PARP16: variants seen among roughly 807,000 people sequenced by gnomAD.
PARP16 encodes poly(ADP-ribose) polymerase family member 16.
In PARP16, 31 loss-of-function variants were observed where a neutral mutation model predicts 35.0. The ratio of observed to expected loss-of-function variants is 0.88; its 90% CI spans 0.66 to 1.19. The LOEUF (loss-of-function observed/expected upper bound fraction) is 1.19, where lower values mean the gene tolerates loss of function less well. Among genes scored for constraint, PARP16 ranks in the 50% most tolerant of loss-of-function variants. The pLI, the probability that PARP16 is intolerant of heterozygous loss-of-function variation, is 0.00. For synonymous variants in PARP16, 162 were observed against 169.5 expected, an observed-to-expected ratio of 0.96 and a Z score of 0.34; for missense variants, 424 against 411.2, an observed-to-expected ratio of 1.03 and a Z score of -0.27.
At chr15:65,252,119 G>A in intron 2 of PARP16, among the ~76,000 whole-genome samples, 1 of 152,152 alleles carries the variant, frequency 6.6e-6, no homozygotes, top group East Asian at 1.9e-4. Flanking sequence ...CTCACTAATT[G>A]GCTTGGGCCT....
downstream of PARP16, among the ~76,000 whole-genome samples, chr15:65,254,103 A>G (rs970706456): frequency 6.6e-6 from 1 of 151,986 alleles, no homozygotes; most frequent in Non-Finnish European, 1.5e-5. Context: ...ATAGCCGTGA[A>G]CCACCGCGCC....
At chr15:65,274,232 C>T (rs1023043019) in intron 1 of PARP16, among the ~76,000 whole-genome samples, 2 of 151,016 alleles carry the variant, frequency 1.3e-5, no homozygotes, top group African/African-American at 4.8e-5. Flanking sequence ...GCATGAGCCA[C>T]CAAGCCCAGC....
chr15:65,273,062 G>A (rs1344839094), intron 1 of PARP16, among the ~76,000 whole-genome samples: 1 of 151,206 alleles, frequency 6.6e-6, no homozygotes, highest in Non-Finnish European at 1.5e-5. Flanking sequence ...GGCGGGTCAC[G>A]AGGTCAAGAG....
intron 4 of PARP16, among the ~76,000 whole-genome samples, chr15:65,262,692 T>C (rs1416654916): frequency 6.6e-6 from 1 of 152,136 alleles, no homozygotes; most frequent in African/African-American, 2.4e-5. Context: ...TTGCTTCATT[T>C]AGCAAATATT....
At chr15:65,259,617 G>T in intron 5 of PARP16, 75 bp from the exon 6 acceptor site, 2 of 1,356,642 alleles carry the variant, frequency 1.5e-6, no homozygotes, top group Non-Finnish European at 2.1e-6. Flanking sequence ...CAACAAGTCT[G>T]GCTCTAAGAA....
At chr15:65,282,061 G>A (rs902723110) in intron 1 of PARP16, among the ~76,000 whole-genome samples, 20 of 152,276 alleles carry the variant, frequency 1.3e-4, no homozygotes, top group African/African-American at 2.6e-4. Flanking sequence ...ACCCAGAATG[G>A]AGTGCAGTGG....
chr15:65,271,888 T>C (rs1261944259), intron 1 of PARP16, among the ~76,000 whole-genome samples: 1 of 152,196 alleles, frequency 6.6e-6, no homozygotes, highest in Non-Finnish European at 1.5e-5. Flanking sequence ...CAACACTGCT[T>C]AAGGTAAAAA....
Position 65,286,685 on chromosome 15 carries a change from C to A in PARP16, c.-259G>T. On this transcript the variant is annotated 5_prime_UTR_variant, in exon 1 of 6. Transcript: ENST00000649807. Reference sequence around the variant, plus strand: ...CGCGGGTCGGCGGGGAGGTTGGGCCCAGGGATAAAGGAACTGGGGCTGGTG... The same window carrying A: ...CGCGGGTCGGCGGGGAGGTTGGGCCAAGGGATAAAGGAACTGGGGCTGGTG... 4 of 384,504 alleles carry A rather than the reference C, an allele frequency of 1.0e-5. No homozygotes were observed. The highest frequency in any genetic ancestry group is 1.5e-4 in the South Asian group (2 of 12,954). 23.8% of individuals were successfully genotyped at this position (384,504 alleles called of 1,614,324 possible).
rs1380600525 is a variant in PARP16 at position 65,260,883 on chromosome 15, A to AC, written c.833+1dup. 3 of 1,613,146 alleles carry AC rather than the reference A, an allele frequency of 1.9e-6. No homozygotes were observed. In the African/African-American group the frequency reaches 4.0e-5, roughly 22 times the overall value. Reference sequence around the variant, plus strand: ...GCCATTAGTTGTTCTCTTGGACCTTACCTCTTGGGTGGCTTCTGTGAATAC... The same window carrying AC: ...GCCATTAGTTGTTCTCTTGGACCTTACCCTCTTGGGTGGCTTCTGTGAATAC... On this transcript the variant is annotated splice_donor_variant, in intron 5 of 5. Transcript: ENST00000649807. LOFTEE classifies it high-confidence loss of function.
At chr15:65,275,061 G>C (rs943806401) in intron 1 of PARP16, among the ~76,000 whole-genome samples, 11 of 151,982 alleles carry the variant, frequency 7.2e-5, no homozygotes, top group Non-Finnish European at 1.6e-4. Context: ...GTTGCAGTGA[G>C]CCAGTGAGCC....
intron 3 of PARP16, among the ~76,000 whole-genome samples, chr15:65,265,136 T>TGCA (rs1279633205): frequency 6.6e-6 from 1 of 152,198 alleles, no homozygotes; most frequent in Non-Finnish European, 1.5e-5. Flanking sequence ...GTCTCAGGGC[T>TGCA]GCAGCAGCCA....
chr15:65,274,853 C>T (rs796417929), intron 1 of PARP16, among the ~76,000 whole-genome samples: 4 of 151,986 alleles, frequency 2.6e-5, no homozygotes, highest in African/African-American at 7.3e-5. Context: ...TGGTGGCTCA[C>T]GCTTGTAATC....
chr15:65,275,897 C>A (rs1008878786), intron 1 of PARP16, among the ~76,000 whole-genome samples: 1 of 152,206 alleles, frequency 6.6e-6, no homozygotes, highest in Non-Finnish European at 1.5e-5. Flanking sequence ...TCCCATCACT[C>A]GTGTCCTCAA....
At chr15:65,284,962 C>T (rs1430276991) in intron 1 of PARP16, among the ~76,000 whole-genome samples, 1 of 151,916 alleles carries the variant, frequency 6.6e-6, no homozygotes, top group South Asian at 2.1e-4. Flanking sequence ...GGACTACAGG[C>T]GTGCATCACC....
downstream of PARP16, among the ~76,000 whole-genome samples, chr15:65,233,839 G>T (rs1422905467): frequency 6.6e-6 from 1 of 152,034 alleles, no homozygotes; most frequent in African/African-American, 2.4e-5. Flanking sequence ...GTTTCGTTGC[G>T]CAACTTGCCT....
chr15:65,276,544 T>G (rs968563895), intron 1 of PARP16, among the ~76,000 whole-genome samples: 1 of 152,004 alleles, frequency 6.6e-6, no homozygotes, highest in African/African-American at 2.4e-5. Flanking sequence ...CAGCTAATTT[T>G]TTGTACAGAC....
At position 65,286,742 on chromosome 15, in the gene PARP16, C is replaced by T. The variant is rs1010354591; in HGVS notation, c.-316G>A. 1 of 344,340 alleles carries T rather than the reference C, an allele frequency of 2.9e-6. No homozygotes were observed. Among genetic ancestry groups the T allele is most frequent in the Admixed American group, 4.8e-5 (1 of 20,636 alleles). 21.3% of individuals were successfully genotyped at this position (344,340 alleles called of 1,614,324 possible). On this transcript the variant is annotated 5_prime_UTR_variant, in exon 1 of 6. Transcript: ENST00000649807. ...AGGGGTTCCCGGCCTAGGGGAAGGGCTATGACAATGGAATGACAACCGCGG... is the reference window on the plus strand; with the variant it reads ...AGGGGTTCCCGGCCTAGGGGAAGGGTTATGACAATGGAATGACAACCGCGG...
At chr15:65,266,827 A>T in intron 2 of PARP16, 59 bp from the exon 3 acceptor site, 7 of 1,235,088 alleles carry the variant, frequency 5.7e-6, no homozygotes, top group Non-Finnish European at 7.0e-6. Flanking sequence ...GTGCTGCAAA[A>T]ATAGCCCCCT....
chr15:65,278,172 C>G (rs557265155), intron 1 of PARP16, among the ~76,000 whole-genome samples: 15 of 152,224 alleles, frequency 9.9e-5, no homozygotes, highest in Admixed American at 2.0e-4. Context: ...AACGGGAGCC[C>G]GGGAAAGAGT....
Sources: allele counts gnomAD v4.1 joint callset (sites outside exome capture counted in the v4.1 genomes callset), GRCh38; gene constraint gnomAD v4.1.1; transcripts MANE v1.5; gene names NCBI Gene and HGNC (gene_info 2026-07-23, HGNC 2026-07-21).